SUMF1: variants seen among roughly 807,000 people sequenced by gnomAD.
SUMF1 encodes formylglycine-generating enzyme.
A neutral mutation model predicts 47.6 loss-of-function variants in SUMF1; 48 were observed. The ratio of observed to expected loss-of-function variants is 1.01; its 90% CI spans 0.80 to 1.28. The LOEUF (loss-of-function observed/expected upper bound fraction) is 1.28. SUMF1 is among the 50% of genes most tolerant of loss of function. The pLI, the probability that SUMF1 is intolerant of heterozygous loss-of-function variation, is 0.00. For missense variants in SUMF1, 571 were observed against 485.4 expected, an observed-to-expected ratio of 1.18 and a Z score of -1.66; for synonymous variants, 230 against 192.1, an observed-to-expected ratio of 1.20 and a Z score of -1.63.
intron 8 of SUMF1, among the ~76,000 whole-genome samples, chr3:4,171,992 T>C (rs1212346576): frequency 6.6e-6 from 1 of 152,110 alleles, no homozygotes; most frequent in Non-Finnish European, 1.5e-5. Flanking sequence ...AAATGTATGT[T>C]TTAGAAAGAT....
chr3:4,176,812 C>T (rs1262045301), intron 8 of SUMF1, among the ~76,000 whole-genome samples: 3 of 152,026 alleles, frequency 2.0e-5, no homozygotes, highest in South Asian at 4.1e-4. Context: ...TGCAAAGACA[C>T]ACATAGGTTC....
intron 8 of SUMF1, among the ~76,000 whole-genome samples, chr3:4,196,458 T>C (rs2125148073): frequency 6.6e-6 from 1 of 152,190 alleles, no homozygotes; most frequent in Non-Finnish European, 1.5e-5. Flanking sequence ...TGGAAGGAGT[T>C]GCAGTCAAGG....
At chr3:4,302,491 T>C (rs1697994321) in intron 8 of SUMF1, among the ~76,000 whole-genome samples, 1 of 151,790 alleles carries the variant, frequency 6.6e-6, no homozygotes, top group East Asian at 1.9e-4. Context: ...GAGAACAGAT[T>C]GTAAATGTTT....
chr3:4,080,280 A>T (rs1007540663), intron 8 of SUMF1, among the ~76,000 whole-genome samples: 6 of 152,118 alleles, frequency 3.9e-5, no homozygotes, highest in African/African-American at 1.4e-4. Context: ...AGATTATACC[A>T]TTAATTTTTA....
intron 8 of SUMF1, among the ~76,000 whole-genome samples, chr3:4,108,367 C>A (rs118114940): frequency 6.6e-6 from 1 of 151,930 alleles, no homozygotes; most frequent in Admixed American, 6.6e-5. Flanking sequence ...TTGGAATAAG[C>A]GCAGTGTGGT....
intron 8 of SUMF1, chr3:4,317,461 T>C: frequency 2.0e-6 from 1 of 490,808 alleles, no homozygotes; most frequent in Admixed American, 3.4e-5. Flanking sequence ...GGCGGGCAGA[T>C]CACTTGAGTC....
intron 9 of SUMF1, among the ~76,000 whole-genome samples, chr3:4,048,757 C>A (rs1440288974): frequency 6.6e-6 from 1 of 152,138 alleles, no homozygotes; most frequent in Non-Finnish European, 1.5e-5. Context: ...AATGCACAAA[C>A]CATGTACATT....
intron 8 of SUMF1, among the ~76,000 whole-genome samples, chr3:4,184,524 C>T (rs1156344448): frequency 6.6e-6 from 1 of 151,976 alleles, no homozygotes; most frequent in Non-Finnish European, 1.5e-5. Context: ...GAGTGAGGGA[C>T]TTGGTCTCAC....
chr3:4,401,028 T>A (rs760824346), intron 7 of SUMF1, among the ~76,000 whole-genome samples: 1 of 139,116 alleles, frequency 7.2e-6, no homozygotes, highest in Non-Finnish European at 1.5e-5. Context: ...AGTGTTCTCA[T>A]TGTTCAACTC....
chr3:4,169,036 G>A (rs998798078), intron 8 of SUMF1, among the ~76,000 whole-genome samples: 3 of 152,076 alleles, frequency 2.0e-5, no homozygotes, highest in African/African-American at 7.2e-5. Context: ...TCTCTCTCGG[G>A]AAAAAGTAGA....
intron 8 of SUMF1, among the ~76,000 whole-genome samples, chr3:4,338,916 C>T (rs1325039143): frequency 2.6e-5 from 4 of 152,076 alleles, no homozygotes; most frequent in Non-Finnish European, 2.9e-5. Context: ...AAGATCCTGG[C>T]GGACTGGGAC....
At chr3:4,145,373 T>G (rs764097793) in intron 8 of SUMF1, among the ~76,000 whole-genome samples, 16 of 152,062 alleles carry the variant, frequency 1.1e-4, no homozygotes, top group Admixed American at 7.2e-4. Flanking sequence ...TTCCAGCTCT[T>G]GAACTATGAA....
At chr3:4,057,913 C>G (rs543411648) in intron 9 of SUMF1, among the ~76,000 whole-genome samples, 1 of 152,148 alleles carries the variant, frequency 6.6e-6, no homozygotes, top group Non-Finnish European at 1.5e-5. Context: ...TTTTCTCTGT[C>G]TCTAATATAT....
intron 3 of SUMF1, among the ~76,000 whole-genome samples, chr3:4,435,743 G>A (rs114816652): frequency 2.0e-3 from 308 of 152,326 alleles, no homozygotes; most frequent in Non-Finnish European, 3.4e-3. Context: ...CATTTGTAAA[G>A]TGATGAAAGA....
At chr3:4,291,549 T>C (rs981818490) in intron 8 of SUMF1, among the ~76,000 whole-genome samples, 3 of 152,190 alleles carry the variant, frequency 2.0e-5, no homozygotes, top group Non-Finnish European at 4.4e-5. Flanking sequence ...CTTGGTTTCA[T>C]GTTTAGTGAA....
At chr3:4,364,659 T>A (rs1299159899) in intron 8 of SUMF1, among the ~76,000 whole-genome samples, 3 of 150,908 alleles carry the variant, frequency 2.0e-5, no homozygotes, top group African/African-American at 7.3e-5. Context: ...ATTTTGTTGA[T>A]CCTTTCAAAA....
intron 8 of SUMF1, among the ~76,000 whole-genome samples, chr3:4,331,318 A>G (rs1400552594): frequency 1.3e-5 from 2 of 152,072 alleles, no homozygotes; most frequent in Non-Finnish European, 2.9e-5. Flanking sequence ...AACCAAAAAC[A>G]TGTCCTACTT....
chr3:4,064,271 T>TGCGCATTATATGCTAACTATA (rs1553593500), intron 9 of SUMF1, among the ~76,000 whole-genome samples: 1 of 151,738 alleles, frequency 6.6e-6, no homozygotes, highest in Non-Finnish European at 1.5e-5. Flanking sequence ...AAGTGACCAC[T>TGCGCATTATATGCTAACTATA]GATCATCCTC....
intron 8 of SUMF1, among the ~76,000 whole-genome samples, chr3:4,239,375 T>A (rs1419448764): frequency 6.6e-6 from 1 of 152,200 alleles, no homozygotes; most frequent in Admixed American, 6.5e-5. Context: ...AGTATGGCCA[T>A]TTTCATGATA....
Sources: gnomAD v4.1 joint callset for allele counts (sites outside exome capture counted in the v4.1 genomes callset) on GRCh38, gnomAD v4.1.1 for gene constraint, MANE v1.5 for transcripts, NCBI Gene and HGNC (gene_info 2026-07-23, HGNC 2026-07-21) for gene names.